The following MAL2 variants were observed in gnomAD, a reference collection of about 807,000 sequenced individuals.
MAL2 encodes the protein mal, T cell differentiation protein 2.
A neutral mutation model predicts 18.1 loss-of-function variants in MAL2; 17 were observed. That is an observed-to-expected ratio of 0.94 (90% CI 0.64 to 1.41). The LOEUF (loss-of-function observed/expected upper bound fraction) is 1.41. Ranked by LOEUF, MAL2 falls within the 40% of genes most tolerant of loss-of-function variation. MAL2 has a pLI of 0.00. For synonymous variants in MAL2, 102 were observed against 102.3 expected (o/e 1.00, Z 0.02); for missense variants, 222 against 231.9 (o/e 0.96, Z 0.28).
At chr8:119,243,271 A>C in intron 3 of MAL2, 146 bp from the exon 4 acceptor site, 1 of 566,284 alleles carries the variant, frequency 1.8e-6, no homozygotes, top group Non-Finnish European at 2.9e-6. Context: ...ATCATCAAAA[A>C]AAAAAAAACA....
chr8:119,230,863 A>G (rs191907641), intron 2 of MAL2, among the ~76,000 whole-genome samples: 307 of 152,310 alleles, frequency 2.0e-3, no homozygotes, highest in African/African-American at 7.1e-3. Flanking sequence ...CATCTCTCCT[A>G]CAAACGTGTG....
chr8:119,238,856 A>G (rs1242260204), intron 2 of MAL2, among the ~76,000 whole-genome samples: 3 of 151,722 alleles, frequency 2.0e-5, no homozygotes. Flanking sequence ...CATTCAGGAC[A>G]TAGGCATGGG....
At chr8:119,214,444 A>G (rs576509344) in intron 1 of MAL2, among the ~76,000 whole-genome samples, 8 of 152,340 alleles carry the variant, frequency 5.3e-5, no homozygotes, top group African/African-American at 1.9e-4. Context: ...AGCTATGAGA[A>G]GGAGGAAGGT....
chr8:119,237,965 G>A (rs1436078871), intron 2 of MAL2, among the ~76,000 whole-genome samples: 2 of 152,304 alleles, frequency 1.3e-5, no homozygotes, highest in Admixed American at 1.3e-4. Context: ...GAAATAAAAG[G>A]TATTCAGTTA....
chr8:119,240,248 G>T lies in MAL2; in HGVS notation c.387G>T (p.Leu129Phe). 6.2e-7 allele frequency: 1 copy of T among 1,613,622 alleles called. No homozygotes were observed. The highest frequency in any genetic ancestry group is 8.5e-7 in the Non-Finnish European group (1 of 1,179,788). The change falls in exon 3 of 4, where the codon TTG becomes TTT. Residue 129 changes from leucine to phenylalanine, a missense_variant. Coordinates refer to ENST00000614891, the MANE Select transcript of MAL2 (RefSeq NM_052886.3). ...LEAAATSLHDLHCNTTITGQP... is the reference protein window; with the variant it reads ...LEAAATSLHDFHCNTTITGQP... ...CAGCAGCCACATCCCTGCATGATTT[G>T]CATTGCAATACAACCATAACCGGGC...
chr8:119,234,793 C>A (rs1295966938), intron 2 of MAL2, among the ~76,000 whole-genome samples: 1 of 151,424 alleles, frequency 6.6e-6, no homozygotes, highest in Non-Finnish European at 1.5e-5. Flanking sequence ...GACATCCACA[C>A]CGAAAACCCA....
rs1324235743 is a variant in MAL2 at position 119,235,722 on chromosome 8, A to C, written c.304-4443A>C. Among the ~76,000 whole-genome samples, 8 of 150,446 alleles carry C rather than the reference A, an allele frequency of 5.3e-5. No individual in the cohort carries two copies. The East Asian group carries it at 1.6e-3, about 29-fold the overall frequency. Reference sequence around the variant, plus strand: ...TTCCTAAGTGAAGGAGAAATAAAATACTTTACAGACAAGCAAATGCTGAGA... The same window carrying C: ...TTCCTAAGTGAAGGAGAAATAAAATCCTTTACAGACAAGCAAATGCTGAGA... On this transcript the variant is annotated intron_variant, in intron 2 of 3. Transcript: ENST00000614891.
At chr8:119,233,974 AACAGCTCCAGTCT>A (rs1259006531) in intron 2 of MAL2, among the ~76,000 whole-genome samples, 1 of 152,292 alleles carries the variant, frequency 6.6e-6, no homozygotes, top group East Asian at 1.9e-4. Flanking sequence ...GCCGAATAGG[AACAGCTCCAGTCT>A]ACAGCTCCCA....
intron 2 of MAL2, among the ~76,000 whole-genome samples, chr8:119,231,912 G>A (rs773438202): frequency 7.2e-5 from 11 of 152,106 alleles, no homozygotes. Flanking sequence ...CCAGGGTATG[G>A]GGTGATGGGG....
chr8:119,235,316 A>C (rs913112505), intron 2 of MAL2, among the ~76,000 whole-genome samples: 1 of 152,212 alleles, frequency 6.6e-6, no homozygotes, highest in Non-Finnish European at 1.5e-5. Flanking sequence ...GACCAAATCT[A>C]CGTCTGATTG....
At chr8:119,238,510 AC>A (rs1382994320) in intron 2 of MAL2, among the ~76,000 whole-genome samples, 1 of 151,340 alleles carries the variant, frequency 6.6e-6, no homozygotes, top group Non-Finnish European at 1.5e-5. Context: ...GCATCACACT[AC>A]CTGACTTCAA....
rs60554580 is a variant in MAL2, at chr8:119,229,313, CTTTTT to C, written c.303+7569_303+7573del. ...CTATGTATATTCTCACTGTGGGCCT[CTTTTT>C]TTTTTTTTTTTTGAGACAGAGTCTT... is the stretch of plus-strand genomic sequence containing the variant. On this transcript the variant is annotated intron_variant, in intron 2 of 3. Coordinates refer to ENST00000614891, the MANE Select transcript of MAL2 (RefSeq NM_052886.3). 8.3e-3 allele frequency among the ~76,000 whole-genome samples: 1,140 copies of C among 137,466 alleles called. 2 individuals carry two copies. Among genetic ancestry groups the C allele is most frequent in the African/African-American group, 0.012 (428 of 36,582 alleles). 90.2% of individuals were successfully genotyped at this position (137,466 alleles called of 152,430 possible). A position where few individuals can be genotyped will look rare whatever the true frequency, so the allele number is the denominator to read the frequency against.
At chr8:119,235,363 T>TGGAAAACACTACAGGATATTATCCA (rs1817858928) in intron 2 of MAL2, among the ~76,000 whole-genome samples, 1 of 152,146 alleles carries the variant, frequency 6.6e-6, no homozygotes, top group Admixed American at 6.5e-5. Context: ...GGAACCAAGT[T>TGGAAAACACTACAGGATATTATCCA]GGAAAACACT....
intron 1 of MAL2, among the ~76,000 whole-genome samples, chr8:119,212,973 A>G (rs1275793619): frequency 6.6e-6 from 1 of 152,206 alleles, no homozygotes; most frequent in Non-Finnish European, 1.5e-5. Flanking sequence ...CCTTTGAGTG[A>G]TGAAGTTTGG....
chr8:119,221,174 C>G (rs1057300173), intron 1 of MAL2: 1 of 165,852 alleles, frequency 6.0e-6, no homozygotes, highest in East Asian at 1.6e-4. Flanking sequence ...ATGTGAAGAG[C>G]AACTTCAAGG....
intron 2 of MAL2, among the ~76,000 whole-genome samples, chr8:119,238,132 T>C (rs1817954226): frequency 6.6e-6 from 1 of 152,240 alleles, no homozygotes; most frequent in Non-Finnish European, 1.5e-5. Context: ...AGCATTCTTA[T>C]ATACCAATAA....
At chr8:119,236,869 C>A (rs1474408570) in intron 2 of MAL2, among the ~76,000 whole-genome samples, 1 of 150,582 alleles carries the variant, frequency 6.6e-6, no homozygotes, top group Non-Finnish European at 1.5e-5. Context: ...ACCCTAACAT[C>A]ACAATTAAAA....
At chr8:119,212,767 A>T (rs772736006) in intron 1 of MAL2, among the ~76,000 whole-genome samples, 1 of 152,198 alleles carries the variant, frequency 6.6e-6, no homozygotes, top group African/African-American at 2.4e-5. Flanking sequence ...GTACAAACAC[A>T]GAGACAAGAA....
rs1301201208 is a variant in MAL2 at position 119,208,905 on chromosome 8, C to T, written c.132+301C>T. 4.2e-6 allele frequency: 1 copy of T among 238,240 alleles called. No homozygotes were observed. Among genetic ancestry groups the T allele is most frequent in the Non-Finnish European group, 7.8e-6 (1 of 128,124 alleles). The allele number at this position is 238,240 out of a possible 1,614,324, so 14.8% of individuals were successfully genotyped here. A position where few individuals can be genotyped will look rare whatever the true frequency, so the allele number is the denominator to read the frequency against. ...CGTGGAGGAAAGAAAGGTGTTGGGG[C>T]TCAGAGGCGCCTTTAGAAACCCAGG... On this transcript the variant is annotated intron_variant, in intron 1 of 3. Coordinates refer to ENST00000614891, the MANE Select transcript of MAL2 (RefSeq NM_052886.3). The surrounding 1 kb of genome is among the most constrained non-coding windows in gnomAD (Gnocchi z 4.3).
Sources: allele counts gnomAD v4.1 joint callset (sites outside exome capture counted in the v4.1 genomes callset), GRCh38; gene constraint gnomAD v4.1.1; non-coding constraint Gnocchi (gnomAD v3.1); transcripts MANE v1.5; gene names NCBI Gene and HGNC (gene_info 2026-07-23, HGNC 2026-07-21).